Variants in DIAPH3 observed in about 807,000 individuals in gnomAD.
DIAPH3 encodes diaphanous related formin 3.
In DIAPH3, 117 loss-of-function variants were observed where a neutral mutation model predicts 144.3. The observed-to-expected ratio is 0.81, with a 90% CI of 0.70 to 0.95. DIAPH3 has a LOEUF of 0.95. Ranked by LOEUF, DIAPH3 falls within the 40% of genes least tolerant of loss-of-function variation. The pLI is 0.00. For synonymous variants in DIAPH3, 519 were observed against 488.9 expected, an observed-to-expected ratio of 1.06 and a Z score of -0.81; for missense variants, 1,421 against 1,412.7, an observed-to-expected ratio of 1.01 and a Z score of -0.09.
chr13:59,716,854 A>G (rs982812713), intron 27 of DIAPH3, among the ~76,000 whole-genome samples: 3 of 152,194 alleles, frequency 2.0e-5, no homozygotes, highest in Non-Finnish European at 4.4e-5. Flanking sequence ...GAGATTATCT[A>G]TCAACAAGGG....
intron 4 of DIAPH3, among the ~76,000 whole-genome samples, chr13:60,077,685 A>G (rs959620326): frequency 6.6e-5 from 10 of 152,126 alleles, no homozygotes; most frequent in Non-Finnish European, 1.3e-4. Flanking sequence ...CTCCCCAGGA[A>G]AGGGAGTATT....
At chr13:60,023,214 TAGTC>T (rs1468722054) in intron 5 of DIAPH3, among the ~76,000 whole-genome samples, 1 of 151,990 alleles carries the variant, frequency 6.6e-6, no homozygotes, top group Non-Finnish European at 1.5e-5. Context: ...ATTATCTTAA[TAGTC>T]AGAGGGCCAT....
intron 27 of DIAPH3, among the ~76,000 whole-genome samples, chr13:59,726,544 T>C (rs1230742681): frequency 6.6e-6 from 1 of 152,204 alleles, no homozygotes; most frequent in Non-Finnish European, 1.5e-5. Context: ...TTGAGCACCC[T>C]GGTCCAGTTA....
At chr13:60,022,918 A>G (rs2054124164) in intron 5 of DIAPH3, among the ~76,000 whole-genome samples, 2 of 152,176 alleles carry the variant, frequency 1.3e-5, no homozygotes, top group Admixed American at 1.3e-4. Flanking sequence ...TTGCTTGTCA[A>G]TATAATGCAC....
intron 21 of DIAPH3, among the ~76,000 whole-genome samples, chr13:59,870,665 GTTT>G (rs35207685): frequency 7.2e-6 from 1 of 139,224 alleles, no homozygotes; most frequent in Non-Finnish European, 1.5e-5. Flanking sequence ...TTTTGTAGGT[GTTT>G]TTTTTTTTTT....
At chr13:60,139,228 A>AG (rs2138293653) in intron 1 of DIAPH3, among the ~76,000 whole-genome samples, 1 of 152,362 alleles carries the variant, frequency 6.6e-6, no homozygotes, top group Admixed American at 6.5e-5. Flanking sequence ...AAGCTTTCAT[A>AG]GCACTGAGGA....
At chr13:60,148,464 T>C (rs1185930211) in intron 1 of DIAPH3, among the ~76,000 whole-genome samples, 2 of 152,214 alleles carry the variant, frequency 1.3e-5, no homozygotes, top group African/African-American at 4.8e-5. Context: ...GACTATCAAA[T>C]TGGACATGGC....
At chr13:59,757,610 T>C (rs948444640) in intron 27 of DIAPH3, among the ~76,000 whole-genome samples, 5 of 151,704 alleles carry the variant, frequency 3.3e-5, no homozygotes, top group Non-Finnish European at 5.9e-5. Flanking sequence ...CCGTGTTAGC[T>C]AGGTTGGTCT....
At position 59,676,164 on chromosome 13, in the gene DIAPH3, T is replaced by C. The variant is rs933559513; in HGVS notation, c.3320-9318A>G. Among the ~76,000 whole-genome samples, 3 of 152,364 alleles carry C rather than the reference T, an allele frequency of 2.0e-5. No homozygotes were observed. In the South Asian group the frequency reaches 6.2e-4, roughly 32 times the overall value. On this transcript the variant is annotated intron_variant, in intron 27 of 27. Transcript: ENST00000400324. ...TAGAATCAAATGGAAAGACCCCTTG[T>C]TACTTGGTGGAACCACCTAGCCAAT...
intron 19 of DIAPH3, among the ~76,000 whole-genome samples, chr13:59,915,024 A>G (rs2047162319): frequency 2.0e-5 from 3 of 152,162 alleles, no homozygotes; most frequent in African/African-American, 7.2e-5. Context: ...ACAAAACCAC[A>G]TGTTCATTTA....
chr13:60,021,550 G>A (rs2054022886), intron 5 of DIAPH3, among the ~76,000 whole-genome samples: 1 of 152,006 alleles, frequency 6.6e-6, no homozygotes, highest in Non-Finnish European at 1.5e-5. Context: ...CTTGAACCCA[G>A]GAGGCAGAGA....
At chr13:59,708,164 G>T (rs2034533664) in intron 27 of DIAPH3, among the ~76,000 whole-genome samples, 2 of 151,830 alleles carry the variant, frequency 1.3e-5, no homozygotes, top group Admixed American at 1.3e-4. Flanking sequence ...AGGGGCTCAA[G>T]CGATCCTCCT....
At chr13:59,758,152 T>A (rs752581663) in intron 27 of DIAPH3, among the ~76,000 whole-genome samples, 12 of 152,238 alleles carry the variant, frequency 7.9e-5, no homozygotes, top group Non-Finnish European at 1.6e-4. Flanking sequence ...GGAAAACTGC[T>A]GGACAGTATT....
intron 26 of DIAPH3, among the ~76,000 whole-genome samples, 179 bp from the exon 27 acceptor site, chr13:59,774,427 T>C (rs2038287168): frequency 6.6e-6 from 1 of 152,214 alleles, no homozygotes; most frequent in Non-Finnish European, 1.5e-5. Flanking sequence ...TTAATTATGC[T>C]ACTGTAAACT....
At chr13:59,837,608 A>G in intron 23 of DIAPH3, 1 of 153,102 alleles carries the variant, frequency 6.5e-6, no homozygotes, top group East Asian at 1.9e-4. Flanking sequence ...AGTTATTAAC[A>G]AACTGTCACA....
intron 21 of DIAPH3, among the ~76,000 whole-genome samples, chr13:59,870,804 G>C (rs980323238): frequency 2.6e-5 from 4 of 151,848 alleles, no homozygotes; most frequent in Admixed American, 2.6e-4. Flanking sequence ...CCTAGTAGCT[G>C]GGATTACAAG....
At chr13:60,077,938 G>C (rs1004424053) in intron 4 of DIAPH3, among the ~76,000 whole-genome samples, 5 of 152,048 alleles carry the variant, frequency 3.3e-5, no homozygotes, top group Non-Finnish European at 7.4e-5. Context: ...GACTACAAGA[G>C]TCTTCTTAAG....
chr13:59,764,196 T>C (rs921089914), intron 27 of DIAPH3, among the ~76,000 whole-genome samples: 1 of 152,046 alleles, frequency 6.6e-6, no homozygotes, highest in Non-Finnish European at 1.5e-5. Flanking sequence ...TTCTAGATTC[T>C]TGAGCGCAAT....
At chr13:59,689,437 G>C (rs2033392144) in intron 27 of DIAPH3, among the ~76,000 whole-genome samples, 1 of 152,012 alleles carries the variant, frequency 6.6e-6, no homozygotes, top group African/African-American at 2.4e-5. Context: ...AAAACAAACA[G>C]AGTCGTCATC....
Sources: allele counts gnomAD v4.1 joint callset (sites outside exome capture counted in the v4.1 genomes callset), GRCh38; gene constraint gnomAD v4.1.1; transcripts MANE v1.5; gene names NCBI Gene and HGNC (gene_info 2026-07-23, HGNC 2026-07-21).